Variants in ACYP2 observed in about 807,000 individuals in gnomAD.
ACYP2 encodes acylphosphatase 2, also known as acylphosphatase-2.
Under a neutral mutation model 11.2 loss-of-function variants are expected in ACYP2, and 12 were observed. The ratio of observed to expected loss-of-function variants is 1.08; its 90% CI spans 0.69 to 1.74. ACYP2 has a LOEUF of 1.74. ACYP2 is among the 40% of genes most tolerant of loss of function. The pLI, the probability that ACYP2 is intolerant of heterozygous loss-of-function variation, is 0.00. For missense variants in ACYP2, 134 were observed against 101.9 expected, an observed-to-expected ratio of 1.31 and a Z score of -1.35; for synonymous variants, 43 against 32.2, an observed-to-expected ratio of 1.33 and a Z score of -1.13.
intron 6 of ACYP2, among the ~76,000 whole-genome samples, chr2:54,227,159 G>A (rs890512824): frequency 6.6e-6 from 1 of 152,196 alleles, no homozygotes; most frequent in Non-Finnish European, 1.5e-5. Flanking sequence ...TTTAAATCCA[G>A]TCTTAAACCT....
Position 54,246,595 on chromosome 2 carries a change from GTTTAC to G in ACYP2, c.405-58089_405-58085del, listed in dbSNP as rs1189217585. On this transcript the variant is annotated intron_variant, in intron 6 of 6. Transcript: ENST00000607452. ...TCTATCGTGCTGCCTAAGTTTTCTTGTTTACTTTTTCAATTGAATGTCATAGGGTT... is the reference window on the plus strand; with the variant it reads ...TCTATCGTGCTGCCTAAGTTTTCTTGTTTTTCAATTGAATGTCATAGGGTT... 7.2e-5 allele frequency among the ~76,000 whole-genome samples: 11 copies of G among 152,112 alleles called. No homozygotes were observed. The South Asian group carries it at 2.3e-3, about 32-fold the overall frequency.
rs577661879 is a variant in ACYP2, at chr2:54,147,890, G to A, written c.404+9142G>A. ...TAGGTTATAGTTTTGTACCAGCTAG[G>A]AATATTTTCAGCTATAAGTTAACAG... On this transcript the variant is annotated intron_variant, in intron 6 of 6. Coordinates refer to ENST00000607452, the MANE Select transcript of ACYP2 (RefSeq NM_001320586.2). Among the ~76,000 whole-genome samples, 26 of 152,112 alleles carry A rather than the reference G, an allele frequency of 1.7e-4. No homozygotes were observed. The South Asian group carries it at 5.4e-3, about 32-fold the overall frequency.
intron 3 of ACYP2, chr2:54,051,446 A>C: frequency 1.4e-6 from 1 of 703,206 alleles, no homozygotes. Flanking sequence ...ATCCCTCCTA[A>C]ACGGGTGACA....
chr2:54,009,413 C>G (rs1673246233), intron 2 of ACYP2, among the ~76,000 whole-genome samples: 2 of 151,302 alleles, frequency 1.3e-5, no homozygotes, highest in Non-Finnish European at 2.9e-5. Context: ...CACAAACAAA[C>G]AAACAAACAA....
At chr2:54,242,879 C>A (rs974059194) in intron 6 of ACYP2, among the ~76,000 whole-genome samples, 1 of 152,210 alleles carries the variant, frequency 6.6e-6, no homozygotes, top group Admixed American at 6.5e-5. Context: ...ATGCATTTCT[C>A]AGAATGTATC....
At chr2:54,194,997 C>T (rs1684400115) in intron 6 of ACYP2, among the ~76,000 whole-genome samples, 1 of 152,148 alleles carries the variant, frequency 6.6e-6, no homozygotes, top group Non-Finnish European at 1.5e-5. Context: ...TATGCATTGA[C>T]TTATTTTTGG....
intron 6 of ACYP2, among the ~76,000 whole-genome samples, chr2:54,211,714 T>C (rs1413016863): frequency 6.6e-6 from 1 of 152,260 alleles, no homozygotes; most frequent in African/African-American, 2.4e-5. Context: ...TACCAAACTC[T>C]AGACTCACCA....
At chr2:54,294,288 A>G (rs1401010703) in intron 6 of ACYP2, among the ~76,000 whole-genome samples, 1 of 152,206 alleles carries the variant, frequency 6.6e-6, no homozygotes, top group Non-Finnish European at 1.5e-5. Flanking sequence ...ACTGACTTGA[A>G]TTATTGAAAA....
At chr2:54,037,893 C>A (rs1440534730) in intron 2 of ACYP2, among the ~76,000 whole-genome samples, 1 of 152,092 alleles carries the variant, frequency 6.6e-6, no homozygotes, top group African/African-American at 2.4e-5. Flanking sequence ...CTTGGAAATT[C>A]TTTCAGGAAT....
At chr2:53,999,977 A>C (rs1173230477) in intron 2 of ACYP2, among the ~76,000 whole-genome samples, 1 of 152,132 alleles carries the variant, frequency 6.6e-6, no homozygotes, top group African/African-American at 2.4e-5. Flanking sequence ...TCTGTGTTTT[A>C]CCCAATCTTA....
At position 54,076,870 on chromosome 2, in the gene ACYP2, C is replaced by G. The variant is rs535941076; in HGVS notation, c.277+19510C>G. Among the ~76,000 whole-genome samples, 74 of 152,250 alleles carry G rather than the reference C, an allele frequency of 4.9e-4. 1 individual carries two copies. The highest frequency in any genetic ancestry group is 2.7e-3 in the South Asian group (13 of 4,826). ...GTCTATACTGAGTCCTGAAAGTTGT[C>G]TTTATAATTTCACCTCTGTGAGCCT... is the stretch of plus-strand genomic sequence containing the variant. On this transcript the variant is annotated intron_variant, in intron 4 of 6. Transcript: ENST00000607452.
rs138746273 is a variant in ACYP2 at position 54,117,185 on chromosome 2, G to A, written c.278-18268G>A. Among the ~76,000 whole-genome samples, 455 of 152,258 alleles carry A rather than the reference G, an allele frequency of 3.0e-3. 2 individuals carry two copies. Among genetic ancestry groups the A allele is most frequent in the African/African-American group, 0.01 (428 of 41,530 alleles). On this transcript the variant is annotated intron_variant, in intron 4 of 6. Coordinates refer to ENST00000607452, the MANE Select transcript of ACYP2 (RefSeq NM_001320586.2). ...CTCCAAGTATTAAATTTTTTGTCTG[G>A]ATGGAGTTATTATTGAAATTATTAT...
chr2:54,033,934 A>ATAT (rs1674731698), intron 2 of ACYP2, among the ~76,000 whole-genome samples: 2 of 152,264 alleles, frequency 1.3e-5, no homozygotes, highest in Non-Finnish European at 2.9e-5. Flanking sequence ...AATATTTCAG[A>ATAT]CATCCTGAAA....
chr2:54,094,654 C>A (rs913662725), intron 4 of ACYP2, among the ~76,000 whole-genome samples: 1 of 152,144 alleles, frequency 6.6e-6, no homozygotes, highest in Admixed American at 6.5e-5. Flanking sequence ...CCTCCCACCT[C>A]AGCCTCCCAA....
At chr2:54,016,879 C>T (rs1269952592) in intron 2 of ACYP2, among the ~76,000 whole-genome samples, 1 of 152,032 alleles carries the variant, frequency 6.6e-6, no homozygotes, top group Non-Finnish European at 1.5e-5. Context: ...GCGCCCGCCA[C>T]CACGCCCGGC....
chr2:54,183,613 T>A (rs954282035), intron 6 of ACYP2, among the ~76,000 whole-genome samples: 5 of 152,178 alleles, frequency 3.3e-5, no homozygotes, highest in Non-Finnish European at 5.9e-5. Flanking sequence ...TGTAATTGTA[T>A]TAAAATGTGC....
chr2:54,126,601 A>AG (rs1259904202), intron 4 of ACYP2, among the ~76,000 whole-genome samples: 1 of 150,734 alleles, frequency 6.6e-6, no homozygotes. Context: ...AATTTGCAAA[A>AG]AAAAAAAAAA....
chr2:54,213,621 C>G (rs1298088614), intron 6 of ACYP2, among the ~76,000 whole-genome samples: 1 of 152,188 alleles, frequency 6.6e-6, no homozygotes, highest in Non-Finnish European at 1.5e-5. Context: ...GCCATTCTGA[C>G]TGGTATGAGG....
chr2:54,291,024 G>A (rs1689282401), intron 6 of ACYP2, among the ~76,000 whole-genome samples: 1 of 152,094 alleles, frequency 6.6e-6, no homozygotes, highest in Non-Finnish European at 1.5e-5. Context: ...ATCTATTCTT[G>A]CTGTCTTAGA....
Sources: allele counts gnomAD v4.1 joint callset (sites outside exome capture counted in the v4.1 genomes callset), GRCh38; gene constraint gnomAD v4.1.1; transcripts MANE v1.5; gene names NCBI Gene and HGNC (gene_info 2026-07-23, HGNC 2026-07-21).